Variants in OR6Q1 observed in about 807,000 individuals in gnomAD.
OR6Q1 encodes olfactory receptor family 6 subfamily Q member 1.
For missense variants in OR6Q1, 387 were observed against 381.7 expected (o/e 1.01, Z -0.12); for synonymous variants, 144 against 148.9 (o/e 0.97, Z 0.24).
Position 58,031,265 on chromosome 11 carries a change from C to G in OR6Q1, c.313C>G (p.Leu105Val), listed in dbSNP as rs1264534083. 5.0e-6 allele frequency: 8 copies of G among 1,614,022 alleles called. No homozygotes were observed. The highest frequency in any genetic ancestry group is 1.7e-5 in the Admixed American group (1 of 60,008). Residue 105 changes from leucine (L) to valine (V), a missense_variant, in exon 1 of 1, where the codon CTC becomes GTC. Leu to Val is a conservative substitution (Grantham distance 32). Coordinates refer to ENST00000302622, the MANE Select transcript of OR6Q1 (RefSeq NM_001005186.2). ...CTCTTATGCTGATTGCCTATCCCAG[C>G]TCTTCATCTTCACCTTTCTTGGGGC... is the stretch of plus-strand genomic sequence containing the variant. ...NISYADCLSQ[L>V]FIFTFLGATE...
Position 58,031,663 on chromosome 11 carries a change from G to A in OR6Q1, c.711G>A (p.Glu237=), listed in dbSNP as rs1853041038. The A allele has an allele frequency of 1.2e-6, 2 of 1,613,976 alleles. No homozygotes were observed. The highest frequency in any genetic ancestry group is 2.7e-5 in the African/African-American group (2 of 75,040). The change falls in exon 1 of 1, where the codon GAG becomes GAA. Residue 237 remains glutamate (E), a synonymous_variant. Coordinates refer to ENST00000302622, the MANE Select transcript of OR6Q1 (RefSeq NM_001005186.2). ...TGCTGCACATCCGCTCAGCTGCTGA[G>A]CGCTGGAAGGCCTTCTCTACCTGTG... The part of the protein sequence containing the change: ...WTLLHIRSAA[E]RWKAFSTCAA...
Sources: allele counts gnomAD v4.1 joint callset, GRCh38; gene constraint gnomAD v4.1.1; transcripts MANE v1.5; gene names NCBI Gene and HGNC (gene_info 2026-07-23, HGNC 2026-07-21).